The following NCOA3 variants were observed in gnomAD, a reference collection of about 807,000 sequenced individuals.
The protein encoded by NCOA3 is nuclear receptor coactivator 3.
In NCOA3, 51 loss-of-function variants were observed where a neutral mutation model predicts 158.8. The observed-to-expected ratio is 0.32, with a 90% CI of 0.26 to 0.41. The LOEUF is 0.41. Among genes scored for constraint, NCOA3 ranks in the 10% least tolerant of loss-of-function variants. The pLI is 1.00. For synonymous variants in NCOA3, 537 were observed against 592.4 expected, an observed-to-expected ratio of 0.91 and a Z score of 1.36; for missense variants, 1,510 against 1,746.6, an observed-to-expected ratio of 0.86 and a Z score of 2.41.
At chr20:47,502,956 A>G (rs2146034133) in intron 1 of NCOA3, among the ~76,000 whole-genome samples, 1 of 152,240 alleles carries the variant, frequency 6.6e-6, no homozygotes, top group African/African-American at 2.4e-5. Flanking sequence ...ATTCTCTCGA[A>G]GTCGAAACTT....
At chr20:47,556,689 A>G (rs2085013238) in intron 1 of NCOA3, among the ~76,000 whole-genome samples, 1 of 151,816 alleles carries the variant, frequency 6.6e-6, no homozygotes, top group African/African-American at 2.4e-5. Context: ...TGCCTGACTA[A>G]TTTTTTGTAT....
intron 1 of NCOA3, among the ~76,000 whole-genome samples, chr20:47,575,880 GGTGCTTCAA>G (rs1276133039): frequency 6.6e-6 from 1 of 152,148 alleles, no homozygotes; most frequent in Non-Finnish European, 1.5e-5. Flanking sequence ...TTTATCCTGT[GGTGCTTCAA>G]AGGCATCTAG....
At chr20:47,542,989 ACTCCTTAGTATT>A (rs1241095064) in intron 1 of NCOA3, among the ~76,000 whole-genome samples, 10 of 151,892 alleles carry the variant, frequency 6.6e-5, no homozygotes, top group African/African-American at 2.4e-4. Flanking sequence ...AACCTCCCAA[ACTCCTTAGTATT>A]TATTATCTTC....
rs1458872498 is a variant in NCOA3 at position 47,635,425 on chromosome 20, A to G, written c.1216A>G (p.Asn406Asp). The change falls in exon 11 of 23, where the codon AAC (asparagine) becomes GAC (aspartate). Residue 406 changes from asparagine to aspartate, a missense_variant. Physicochemically the swap from Asn to Asp is conservative, Grantham distance 23. This residue lies in a region of NCOA3 where 1,017 missense variants were observed against 1,098.3 expected (regional missense o/e 0.93). Coordinates refer to ENST00000371998, the MANE Select transcript of NCOA3 (RefSeq NM_181659.3). ...SSVGGMSMSP[N>D]QGLQMPSSRA... ...GGTAGGCGGCATGAGTATGTCGCCA[A>G]ACCAAGGCTTACAGATGCCGAGCAG... 1.2e-6 allele frequency: 2 copies of G among 1,614,052 alleles called. No individual in the cohort carries two copies. The highest frequency in any genetic ancestry group is 1.1e-5 in the South Asian group (1 of 91,084).
intron 6 of NCOA3, 146 bp downstream of exon 6, chr20:47,627,322 A>G (rs1050290443): frequency 6.7e-6 from 5 of 743,890 alleles, no homozygotes; most frequent in Non-Finnish European, 1.1e-5. Flanking sequence ...TCACATATGG[A>G]GTCAGTGAAT....
chr20:47,523,543 A>G (rs191675631), intron 1 of NCOA3, among the ~76,000 whole-genome samples: 212 of 152,328 alleles, frequency 1.4e-3, no homozygotes, highest in African/African-American at 5.0e-3. Context: ...GGGTTAACCA[A>G]TTCCATAAAG....
intron 2 of NCOA3, among the ~76,000 whole-genome samples, chr20:47,614,134 T>TC (rs1446766139): frequency 6.6e-6 from 1 of 152,136 alleles, no homozygotes; most frequent in African/African-American, 2.4e-5. Context: ...CAGTCCTTTC[T>TC]CCGTGGTACC....
intron 2 of NCOA3, among the ~76,000 whole-genome samples, chr20:47,611,885 G>A (rs868462659): frequency 6.6e-6 from 1 of 152,176 alleles, no homozygotes; most frequent in Admixed American, 6.5e-5. Context: ...GTGCAGTGGC[G>A]CGAACCTTAG....
At chr20:47,518,341 G>A (rs2084268171) in intron 1 of NCOA3, among the ~76,000 whole-genome samples, 1 of 150,934 alleles carries the variant, frequency 6.6e-6, no homozygotes, top group African/African-American at 2.4e-5. Flanking sequence ...GGGAGACCCT[G>A]CCTCAAAATA....
At chr20:47,627,451 T>C in intron 6 of NCOA3, 110 bp from the exon 7 acceptor site, 2 of 855,934 alleles carry the variant, frequency 2.3e-6, no homozygotes, top group South Asian at 3.5e-5. Context: ...TTAGTATAGA[T>C]ATAACTATGG....
At chr20:47,506,942 A>T (rs947916688) in intron 1 of NCOA3, among the ~76,000 whole-genome samples, 7 of 152,160 alleles carry the variant, frequency 4.6e-5, no homozygotes, top group African/African-American at 1.7e-4. Flanking sequence ...GGGTGACTAG[A>T]TTACTGAATT....
intron 1 of NCOA3, among the ~76,000 whole-genome samples, chr20:47,518,070 G>A (rs527291700): frequency 6.6e-6 from 1 of 152,028 alleles, no homozygotes; most frequent in Admixed American, 6.6e-5. Context: ...ATCCAGGCCA[G>A]CCATGATGGC....
Position 47,655,504 on chromosome 20 carries a change from T to G in NCOA3, c.*2087T>G, listed in dbSNP as rs529414116. On this transcript the variant is annotated 3_prime_UTR_variant, in exon 23 of 23. Transcript: ENST00000371998. ...GACCCACCACCAGAGTGGATCTTAT[T>G]TTCAAAGCAGTATAGACAATTATGA... is the stretch of plus-strand genomic sequence containing the variant. The G allele has an allele frequency of 6.5e-6, 1 of 152,712 alleles. No homozygotes were observed. Among genetic ancestry groups the G allele is most frequent in the South Asian group, 2.1e-4 (1 of 4,830 alleles). 9.5% of individuals were successfully genotyped at this position (152,712 alleles called of 1,614,324 possible). A position where few individuals can be genotyped will look rare whatever the true frequency, so the allele number is the denominator to read the frequency against.
intron 2 of NCOA3, among the ~76,000 whole-genome samples, chr20:47,618,440 C>T (rs566510245): frequency 6.7e-6 from 1 of 150,112 alleles, no homozygotes; most frequent in East Asian, 2.0e-4. Flanking sequence ...CTGCAACCTC[C>T]ATCTCCCAGG....
chr20:47,620,827 T>C (rs541734633), intron 2 of NCOA3, among the ~76,000 whole-genome samples: 2 of 152,248 alleles, frequency 1.3e-5, no homozygotes, highest in African/African-American at 2.4e-5. Flanking sequence ...AGCATTTTCT[T>C]ACCCTCTAGC....
At chr20:47,584,013 T>G (rs2146223330) in intron 2 of NCOA3, among the ~76,000 whole-genome samples, 1 of 152,224 alleles carries the variant, frequency 6.6e-6, no homozygotes, top group South Asian at 2.1e-4. Flanking sequence ...CTGGACATGG[T>G]GGCTCACTCA....
chr20:47,506,780 A>T (rs201472418), intron 1 of NCOA3, among the ~76,000 whole-genome samples: 13 of 150,880 alleles, frequency 8.6e-5, no homozygotes, highest in Non-Finnish European at 1.8e-4. Flanking sequence ...TTTTTTTTAA[A>T]TTTTCTGTTA....
chr20:47,517,137 G>T (rs1008638511), intron 1 of NCOA3, among the ~76,000 whole-genome samples: 37 of 152,310 alleles, frequency 2.4e-4, no homozygotes, highest in African/African-American at 8.7e-4. Context: ...AGAATTGCTT[G>T]AACCTTGGAG....
chr20:47,647,021 T>G (rs974551998), intron 17 of NCOA3, 52 bp from the exon 18 acceptor site: 2 of 1,537,088 alleles, frequency 1.3e-6, no homozygotes, highest in African/African-American at 2.8e-5. Flanking sequence ...GCATTTGACT[T>G]CTGTTGCTTT....
Sources: allele counts gnomAD v4.1 joint callset (sites outside exome capture counted in the v4.1 genomes callset), GRCh38; gene constraint gnomAD v4.1.1; regional missense constraint gnomAD v4.1.1; transcripts MANE v1.5; gene names NCBI Gene and HGNC (gene_info 2026-07-23, HGNC 2026-07-21).